The following B4GALNT2 variants were observed in gnomAD, a reference collection of about 807,000 sequenced individuals.
B4GALNT2 encodes beta-1,4-N-acetyl-galactosaminyltransferase 2 (SID blood group).
A neutral mutation model predicts 51.1 loss-of-function variants in B4GALNT2; 42 were observed. The ratio of observed to expected loss-of-function variants is 0.82; its 90% CI spans 0.64 to 1.06. B4GALNT2 has a LOEUF of 1.06. Among genes scored for constraint, B4GALNT2 ranks in the 50% least tolerant of loss-of-function variants. B4GALNT2 has a pLI of 0.00. For synonymous variants in B4GALNT2, 253 were observed against 251.7 expected (o/e 1.01, Z -0.05); for missense variants, 602 against 633.6 (o/e 0.95, Z 0.54).
In B4GALNT2 at chr17:49,146,374, G is replaced by T. The variant is rs149320479; in HGVS notation, c.353+4202G>T. On this transcript the variant is annotated intron_variant, in intron 3 of 10. Transcript: ENST00000393354. The stretch of plus-strand genomic sequence containing the variant: ...TGCCCAGGCTGGAGCGCAATGGCAC[G>T]ATCTCAGCTAACTGCAACCTCCACC... 7.1e-3 allele frequency among the ~76,000 whole-genome samples: 1,079 copies of T among 152,022 alleles called. 9 individuals are homozygous for T. Among genetic ancestry groups the T allele is most frequent in the Non-Finnish European group, 0.012 (784 of 67,994 alleles).
In B4GALNT2 at chr17:49,168,947, C is replaced by T. The variant is rs904802173; in HGVS notation, c.1315+47C>T. ...GGGAGGGAGCTGGGCTGGGAATTAG[C>T]TGCAGAAGTTTGTTCTTTCCAAGGG... is the stretch of plus-strand genomic sequence containing the variant. On this transcript the variant is annotated intron_variant, in intron 10 of 10. Transcript: ENST00000393354. The T allele has an allele frequency of 6.4e-6, 10 of 1,563,786 alleles. No homozygotes were observed. The Admixed American group carries it at 1.3e-4, about 20-fold the overall frequency.
rs967524477 is a variant in B4GALNT2, at chr17:49,172,065, T to C, written c.*2337T>C. 6.4e-5 allele frequency: 18 copies of C among 279,526 alleles called. No homozygotes were observed. The highest frequency in any genetic ancestry group is 4.4e-4 in the Admixed American group (9 of 20,324). 17.3% of individuals were successfully genotyped at this position (279,526 alleles called of 1,614,324 possible). A position where few individuals can be genotyped will look rare whatever the true frequency, so the allele number is the denominator to read the frequency against. On this transcript the variant is annotated 3_prime_UTR_variant, in exon 11 of 11. Coordinates refer to ENST00000393354, the MANE Select transcript of B4GALNT2 (RefSeq NM_001159387.2). ...CTCATGGCAATGGTGATCACCACTA[T>C]CATATCTATCATTAAATTACTCATT...
At chr17:49,165,433 T>G (rs2042902796) in intron 8 of B4GALNT2, among the ~76,000 whole-genome samples, 1 of 78,634 alleles carries the variant, frequency 1.3e-5, no homozygotes, top group East Asian at 4.5e-4. Flanking sequence ...CTCTCTCTCC[T>G]CCCACCTCTC....
rs1422582127 is a variant in B4GALNT2 at position 49,172,871 on chromosome 17, G to A, written c.*3143G>A. 1 of 152,154 alleles carries A rather than the reference G, an allele frequency of 6.6e-6. No individual in the cohort carries two copies. Among genetic ancestry groups the A allele is most frequent in the African/African-American group, 2.4e-5 (1 of 41,414 alleles). 9.4% of individuals were successfully genotyped at this position (152,154 alleles called of 1,614,324 possible). A position where few individuals can be genotyped will look rare whatever the true frequency, so the allele number is the denominator to read the frequency against. The stretch of plus-strand genomic sequence containing the variant: ...TACATAAGCTAGTCTCCCAAACGAG[G>A]GAACATGTGTGACATCCATTTGCCA... On this transcript the variant is annotated 3_prime_UTR_variant, in exon 11 of 11. Transcript: ENST00000393354.
rs576746566 is a variant in B4GALNT2, at chr17:49,153,438, A to T, written c.460+532A>T. ...TCAAAAATAGATAAAAAATAAATAA[A>T]TAAAAGTATGGAGCAGACATTCATT... On this transcript the variant is annotated intron_variant, in intron 4 of 10. Transcript: ENST00000393354. Among the ~76,000 whole-genome samples, 10 of 152,208 alleles carry T rather than the reference A, an allele frequency of 6.6e-5. No individual in the cohort carries two copies. In the East Asian group the frequency reaches 7.7e-4, roughly 12 times the overall value.
upstream of B4GALNT2, chr17:49,132,616 A>C: frequency 1.7e-6 from 1 of 592,588 alleles, no homozygotes; most frequent in Non-Finnish European, 2.6e-6. Flanking sequence ...AGTCCAGGGT[A>C]GAGATGGGGG....
At position 49,171,822 on chromosome 17, in the gene B4GALNT2, A is replaced by G. The variant is rs2042959375; in HGVS notation, c.*2094A>G. ...ATCTTCCCAAACAAGTACATTCATT[A>G]TTTCTGGCCAGGTCTAATTCTATTT... On this transcript the variant is annotated 3_prime_UTR_variant, in exon 11 of 11. Coordinates refer to ENST00000393354, the MANE Select transcript of B4GALNT2 (RefSeq NM_001159387.2). 3.1e-5 allele frequency: 12 copies of G among 392,468 alleles called. No individual in the cohort carries two copies. The highest frequency in any genetic ancestry group is 1.4e-4 in the South Asian group (7 of 51,458). The allele number at this position is 392,468 out of a possible 1,614,324, so 24.3% of individuals were successfully genotyped here.
chr17:49,138,085 G>T (rs986648666), intron 1 of B4GALNT2, among the ~76,000 whole-genome samples: 7 of 152,270 alleles, frequency 4.6e-5, no homozygotes, highest in African/African-American at 1.7e-4. Context: ...TAGTTCCGGG[G>T]ATTTTAGTTC....
chr17:49,176,260 C>CAA lies in B4GALNT2; in HGVS notation c.*6533_*6534insAA, dbSNP rs895375075. ...CCAGCGGCGCTAGAGGAATTAAAGA[C>CAA]ACACACACAGAAATATAGAGTGTGG... On this transcript the variant is annotated 3_prime_UTR_variant, in exon 11 of 11. Coordinates refer to ENST00000393354, the MANE Select transcript of B4GALNT2 (RefSeq NM_001159387.2). 1.5e-3 allele frequency: 229 copies of CAA among 152,322 alleles called. 2 individuals carry two copies. The highest frequency in any genetic ancestry group is 5.3e-3 in the African/African-American group (222 of 41,564). The allele number at this position is 152,322 out of a possible 1,614,324, so 9.4% of individuals were successfully genotyped here. A position where few individuals can be genotyped will look rare whatever the true frequency, so the allele number is the denominator to read the frequency against.
At chr17:49,167,509 A>G (rs1293143480) in intron 9 of B4GALNT2, among the ~76,000 whole-genome samples, 1 of 151,872 alleles carries the variant, frequency 6.6e-6, no homozygotes, top group Non-Finnish European at 1.5e-5. Context: ...TAGCTTATAC[A>G]CATGTATTAC....
chr17:49,125,720 G>A, the B4GALNT2 span, among the ~76,000 whole-genome samples: 3 of 122,516 alleles, frequency 2.4e-5, no homozygotes, highest in Admixed American at 1.7e-4. Context: ...GGCCCCCGCC[G>A]GGCCGGCCGC....
intron 5 of B4GALNT2, among the ~76,000 whole-genome samples, chr17:49,157,941 C>T (rs960242297): frequency 1.3e-5 from 2 of 152,222 alleles, no homozygotes; most frequent in African/African-American, 4.8e-5. Context: ...TCAACAGTGT[C>T]GGGAGTGACA....
At chr17:49,152,636 A>G (rs1318031925) in intron 3 of B4GALNT2, among the ~76,000 whole-genome samples, 164 bp from the exon 4 acceptor site, 1 of 152,226 alleles carries the variant, frequency 6.6e-6, no homozygotes, top group Non-Finnish European at 1.5e-5. Flanking sequence ...AGATCGCACT[A>G]TTGCACTCCA....
chr17:49,166,168 C>T lies in B4GALNT2; in HGVS notation c.1009C>T (p.Leu337Phe). ...AISQVTTKYVLWVDDDFLFNE... is the reference protein window; with the variant it reads ...AISQVTTKYVFWVDDDFLFNE... ...ATCTCAGGTCACCACCAAATACGTTCTCTGGGTGGACGATGATTTTCTCTT... is the reference window on the plus strand; with the variant it reads ...ATCTCAGGTCACCACCAAATACGTTTTCTGGGTGGACGATGATTTTCTCTT... Residue 337 changes from leucine (L) to phenylalanine (F), a missense_variant, in exon 9 of 11, where the codon CTC becomes TTC. Transcript: ENST00000393354. 1 of 1,614,094 alleles carries T rather than the reference C, an allele frequency of 6.2e-7. No individual in the cohort carries two copies. The highest frequency in any genetic ancestry group is 1.7e-4 in the Middle Eastern group (1 of 6,058).
rs112119387 is a variant in B4GALNT2 at position 49,141,826 on chromosome 17, C to A, written c.216-209C>A. Among the ~76,000 whole-genome samples, 149 of 152,214 alleles carry A rather than the reference C, an allele frequency of 9.8e-4. 2 individuals are homozygous for A. The highest frequency in any genetic ancestry group is 3.4e-3 in the African/African-American group (141 of 41,522). On this transcript the variant is annotated intron_variant, in intron 2 of 10. Coordinates refer to ENST00000393354, the MANE Select transcript of B4GALNT2 (RefSeq NM_001159387.2). ...AATTCAAGAGAGGAAAAGTCTTCAG[C>A]CTTCCTCTGTCCCTGCTTCCCTCCC...
intron 1 of B4GALNT2, 105 bp downstream of exon 1, chr17:49,132,911 A>C: frequency 1.5e-6 from 2 of 1,377,242 alleles, no homozygotes; most frequent in South Asian, 1.8e-5. Flanking sequence ...CTGGGGACGC[A>C]GACGCCGGAG....
At chr17:49,136,103 T>C (rs1334094741) in intron 1 of B4GALNT2, among the ~76,000 whole-genome samples, 1 of 143,888 alleles carries the variant, frequency 6.9e-6, no homozygotes, top group Non-Finnish European at 1.5e-5. Context: ...AAAAAGAAAA[T>C]CCTGTTTTGC....
intron 1 of B4GALNT2, among the ~76,000 whole-genome samples, chr17:49,133,845 G>A (rs530196631): frequency 6.6e-6 from 1 of 152,306 alleles, no homozygotes; most frequent in East Asian, 1.9e-4. Flanking sequence ...CCTGGAAGCA[G>A]AGGTTGCAGT....
the B4GALNT2 span, among the ~76,000 whole-genome samples, chr17:49,127,014 C>G: frequency 6.6e-6 from 1 of 152,162 alleles, no homozygotes; most frequent in Non-Finnish European, 1.5e-5. Flanking sequence ...TAAATTGTAC[C>G]TTTCTTGCAT....
Sources: gnomAD v4.1 joint callset for allele counts (sites outside exome capture counted in the v4.1 genomes callset) on GRCh38, gnomAD v4.1.1 for gene constraint, MANE v1.5 for transcripts, NCBI Gene and HGNC (gene_info 2026-07-23, HGNC 2026-07-21) for gene names.